STAG1: variants seen among roughly 807,000 people sequenced by gnomAD.
STAG1 encodes STAG1 cohesin complex component.
In STAG1, 26 loss-of-function variants were observed where a neutral mutation model predicts 170.9. The ratio of observed to expected loss-of-function variants is 0.15; its 90% CI spans 0.11 to 0.21. The LOEUF (loss-of-function observed/expected upper bound fraction) is 0.21, where lower values mean the gene tolerates loss of function less well. Ranked by LOEUF, STAG1 falls within the 10% of genes least tolerant of loss-of-function variation. The pLI, the probability that STAG1 is intolerant of heterozygous loss-of-function variation, is 1.00. For synonymous variants in STAG1, 514 were observed against 497.7 expected, an observed-to-expected ratio of 1.03 and a Z score of -0.44; for missense variants, 964 against 1,509.5, an observed-to-expected ratio of 0.64 and a Z score of 5.99.
At chr3:136,401,892 G>A (rs2087337014) in intron 21 of STAG1, among the ~76,000 whole-genome samples, 1 of 151,952 alleles carries the variant, frequency 6.6e-6, no homozygotes, top group Non-Finnish European at 1.5e-5. Context: ...TTACAGGCAC[G>A]TGCCACCACG....
chr3:136,674,357 C>G (rs1271255503), intron 1 of STAG1, among the ~76,000 whole-genome samples: 1 of 152,162 alleles, frequency 6.6e-6, no homozygotes, highest in African/African-American at 2.4e-5. Context: ...ACATGCATGA[C>G]TCTTAAAAGA....
At chr3:136,726,626 G>A (rs1933704026) in intron 1 of STAG1, among the ~76,000 whole-genome samples, 1 of 152,176 alleles carries the variant, frequency 6.6e-6, no homozygotes, top group Non-Finnish European at 1.5e-5. Flanking sequence ...GTTTTGCCAT[G>A]TTGACCAGGC....
chr3:136,458,119 A>G (rs1220991586), intron 13 of STAG1, among the ~76,000 whole-genome samples: 1 of 152,144 alleles, frequency 6.6e-6, no homozygotes, highest in Non-Finnish European at 1.5e-5. Context: ...GTTTAAAATA[A>G]ACTGTATTTT....
At chr3:136,459,470 A>G (rs1406305316) in intron 13 of STAG1, among the ~76,000 whole-genome samples, 1 of 152,182 alleles carries the variant, frequency 6.6e-6, no homozygotes, top group African/African-American at 2.4e-5. Flanking sequence ...CGGAAAAAGA[A>G]TCAATGTTTC....
At chr3:136,394,637 C>A in intron 22 of STAG1, among the ~76,000 whole-genome samples, 1 of 151,450 alleles carries the variant, frequency 6.6e-6, no homozygotes, top group Non-Finnish European at 1.5e-5. Flanking sequence ...AGTAGCCAGG[C>A]GTGGCTGGGT....
chr3:136,463,767 G>GTGTA (rs1375220735), intron 13 of STAG1, among the ~76,000 whole-genome samples: 4,036 of 58,542 alleles, frequency 0.069, 246 homozygotes, highest in African/African-American at 0.16. Context: ...GTGTGTGTGT[G>GTGTA]TATACACACA....
intron 1 of STAG1, among the ~76,000 whole-genome samples, chr3:136,686,411 C>G (rs1313001748): frequency 2.6e-5 from 4 of 152,110 alleles, no homozygotes; most frequent in Non-Finnish European, 5.9e-5. Flanking sequence ...ATCCAAGCCA[C>G]AAGTTAGTTA....
chr3:136,438,800 TTAA>T (rs1349795824), intron 15 of STAG1, among the ~76,000 whole-genome samples: 4 of 152,120 alleles, frequency 2.6e-5, no homozygotes, highest in Non-Finnish European at 5.9e-5. Context: ...TATTAATGAA[TTAA>T]TAATTCCTGC....
intron 1 of STAG1, among the ~76,000 whole-genome samples, chr3:136,702,095 G>GAC (rs1943086552): frequency 1.0e-5 from 1 of 98,908 alleles, no homozygotes; most frequent in Admixed American, 8.9e-5. Context: ...GAGAGAGAGA[G>GAC]AGAGAGAGAG....
At chr3:136,348,813 T>C (rs696517) in intron 29 of STAG1, 202,353 of 248,958 alleles carry the variant, frequency 0.81, 82,728 homozygotes, top group East Asian at 0.99. Context: ...CTGTATCTCA[T>C]CTATATTAGG....
chr3:136,362,065 C>T (rs1402861215), intron 26 of STAG1, among the ~76,000 whole-genome samples: 2 of 152,030 alleles, frequency 1.3e-5, no homozygotes, highest in East Asian at 1.9e-4. Flanking sequence ...AAATGATTGT[C>T]TTGCCTCAGC....
At chr3:136,388,371 GTT>G (rs898138148) in intron 22 of STAG1, among the ~76,000 whole-genome samples, 1 of 151,974 alleles carries the variant, frequency 6.6e-6, no homozygotes, top group African/African-American at 2.4e-5. Flanking sequence ...CTGCTTTTTT[GTT>G]TGTTTGTTTT....
At chr3:136,689,509 G>T (rs2107895544) in intron 1 of STAG1, among the ~76,000 whole-genome samples, 1 of 152,288 alleles carries the variant, frequency 6.6e-6, no homozygotes, top group African/African-American at 2.4e-5. Context: ...TTGAATTTGG[G>T]AGAAAAGGTT....
At chr3:136,511,262 G>T (rs1478970915) in intron 7 of STAG1, among the ~76,000 whole-genome samples, 1 of 152,162 alleles carries the variant, frequency 6.6e-6, no homozygotes, top group African/African-American at 2.4e-5. Flanking sequence ...CCCAGTCTAG[G>T]AGAATTCTTT....
At chr3:136,390,517 A>G (rs746530795) in intron 22 of STAG1, among the ~76,000 whole-genome samples, 1 of 152,202 alleles carries the variant, frequency 6.6e-6, no homozygotes, top group Admixed American at 6.5e-5. Flanking sequence ...ACATGTATTA[A>G]AGAACAACTC....
At chr3:136,574,579 C>T (rs546926148) in intron 4 of STAG1, among the ~76,000 whole-genome samples, 1 of 152,020 alleles carries the variant, frequency 6.6e-6, no homozygotes, top group South Asian at 2.1e-4. Flanking sequence ...AGGAATGCTA[C>T]CAAACATAAA....
intron 6 of STAG1, among the ~76,000 whole-genome samples, chr3:136,522,528 CTT>C (rs766391504): frequency 4.9e-4 from 63 of 128,266 alleles, no homozygotes; most frequent in East Asian, 1.1e-3. Flanking sequence ...TAGAGTTCCT[CTT>C]GTTTTTTTCT....
intron 30 of STAG1, among the ~76,000 whole-genome samples, chr3:136,342,970 C>A (rs1936044500): frequency 6.6e-6 from 1 of 152,318 alleles, no homozygotes; most frequent in East Asian, 1.9e-4. Context: ...CCCAGTTATA[C>A]CATGGGTGAC....
At chr3:136,520,524 G>A (rs532477565) in intron 7 of STAG1, among the ~76,000 whole-genome samples, 2 of 152,164 alleles carry the variant, frequency 1.3e-5, no homozygotes, top group Admixed American at 6.5e-5. Flanking sequence ...GGTAGGCACA[G>A]TTAAAGCAGT....
Sources: gnomAD v4.1 joint callset for allele counts (sites outside exome capture counted in the v4.1 genomes callset) on GRCh38, gnomAD v4.1.1 for gene constraint, MANE v1.5 for transcripts, NCBI Gene and HGNC (gene_info 2026-07-23, HGNC 2026-07-21) for gene names.